NCAM2: variants seen among roughly 807,000 people sequenced by gnomAD.
NCAM2 encodes the protein neural cell adhesion molecule 2, also known as N-CAM-2.
A neutral mutation model predicts 98.1 loss-of-function variants in NCAM2; 30 were observed. The observed-to-expected ratio is 0.31, with a 90% CI of 0.23 to 0.41. The LOEUF (loss-of-function observed/expected upper bound fraction) is 0.41. Among genes scored for constraint, NCAM2 ranks in the 10% least tolerant of loss-of-function variants. NCAM2 has a pLI of 1.00. For missense variants in NCAM2, 867 were observed against 1,005.8 expected (o/e 0.86, Z 1.87); for synonymous variants, 368 against 342.4 (o/e 1.07, Z -0.83).
At chr21:21,200,102 CA>C (rs2069155511) in intron 1 of NCAM2, among the ~76,000 whole-genome samples, 1 of 151,666 alleles carries the variant, frequency 6.6e-6, no homozygotes, top group South Asian at 2.1e-4. Context: ...GGAGGCAGCC[CA>C]AAAGAGAAAG....
chr21:21,472,650 A>G (rs1984591014), intron 14 of NCAM2, among the ~76,000 whole-genome samples: 1 of 151,692 alleles, frequency 6.6e-6, no homozygotes, highest in Non-Finnish European at 1.5e-5. Flanking sequence ...ACAATTATAA[A>G]TAGTATTATA....
chr21:21,428,027 T>C (rs2077252513), intron 11 of NCAM2, among the ~76,000 whole-genome samples: 1 of 152,242 alleles, frequency 6.6e-6, no homozygotes, highest in African/African-American at 2.4e-5. Flanking sequence ...TTAAGTGCTG[T>C]AGTTGACAAA....
At chr21:21,441,233 C>G (rs1979219621) in intron 12 of NCAM2, among the ~76,000 whole-genome samples, 1 of 152,068 alleles carries the variant, frequency 6.6e-6, no homozygotes, top group Non-Finnish European at 1.5e-5. Context: ...TATTATTTTA[C>G]GAAGCATGGA....
At chr21:21,435,916 A>T (rs1402057147) in intron 12 of NCAM2, among the ~76,000 whole-genome samples, 4 of 152,168 alleles carry the variant, frequency 2.6e-5, no homozygotes, top group African/African-American at 7.2e-5. Flanking sequence ...GCAGGCATGA[A>T]TGTAAATATG....
At chr21:21,073,759 A>G (rs1227994403) in intron 1 of NCAM2, among the ~76,000 whole-genome samples, 1 of 152,188 alleles carries the variant, frequency 6.6e-6, no homozygotes, top group Non-Finnish European at 1.5e-5. Flanking sequence ...GAAACAGTCA[A>G]TCAACAATTC....
At chr21:21,390,752 T>C (rs1303904202) in intron 9 of NCAM2, among the ~76,000 whole-genome samples, 1 of 152,184 alleles carries the variant, frequency 6.6e-6, no homozygotes, top group East Asian at 1.9e-4. Flanking sequence ...TGCATGCAAT[T>C]CTAGAAAGCA....
chr21:21,049,490 A>G (rs2065064415), intron 1 of NCAM2, among the ~76,000 whole-genome samples: 1 of 152,068 alleles, frequency 6.6e-6, no homozygotes, highest in African/African-American at 2.4e-5. Flanking sequence ...GAGCATGAAA[A>G]ATTAGAGTCA....
At chr21:21,156,327 C>A (rs1240636214) in intron 1 of NCAM2, among the ~76,000 whole-genome samples, 1 of 151,978 alleles carries the variant, frequency 6.6e-6, no homozygotes, top group Non-Finnish European at 1.5e-5. Context: ...CACATTCAAA[C>A]ACTGTTGATG....
intron 13 of NCAM2, 39 bp downstream of exon 13, chr21:21,466,764 T>A: frequency 6.4e-7 from 1 of 1,557,814 alleles, no homozygotes; most frequent in Non-Finnish European, 8.7e-7. Context: ...CTTTTGTCAT[T>A]TTCTTCACTT....
intron 1 of NCAM2, among the ~76,000 whole-genome samples, chr21:21,082,225 T>TTTAAAAAAA (rs1555882202): frequency 1.2e-5 from 1 of 82,918 alleles, no homozygotes; most frequent in African/African-American, 4.4e-5. Context: ...GAGAATCCTT[T>TTTAAAAAAA]AAAAAAAAAA....
At chr21:21,427,310 T>C (rs569009326) in intron 11 of NCAM2, among the ~76,000 whole-genome samples, 2 of 152,196 alleles carry the variant, frequency 1.3e-5, no homozygotes, top group South Asian at 4.1e-4. Context: ...GGAAAAGAGC[T>C]ATCTGATAAA....
chr21:21,388,874 AT>A (rs1228013633), intron 9 of NCAM2, among the ~76,000 whole-genome samples: 1 of 152,188 alleles, frequency 6.6e-6, no homozygotes, highest in East Asian at 1.9e-4. Flanking sequence ...AGAACAAAAA[AT>A]AAAGGATATA....
At position 21,056,537 on chromosome 21, in the gene NCAM2, GGAGAGAGAGGA is replaced by G. The variant is rs1220965174; in HGVS notation, c.55+57929_55+57939del. On this transcript the variant is annotated intron_variant, in intron 1 of 17. Transcript: ENST00000400546. Reference sequence around the variant, plus strand: ...GTGTGTGTGTGTGCATGAGAGAGGGGGAGAGAGAGGAGAGAGAGAGAGAGTGAGAGAGAGAG... The same window carrying G: ...GTGTGTGTGTGTGCATGAGAGAGGGGGAGAGAGAGAGAGTGAGAGAGAGAG... Among the ~76,000 whole-genome samples the G allele has an allele frequency of 2.1e-5, 3 of 142,094 alleles. No homozygotes were observed. In the South Asian group the frequency reaches 6.7e-4, roughly 32 times the overall value. 93.2% of individuals were successfully genotyped at this position (142,094 alleles called of 152,430 possible).
At chr21:21,061,490 G>T (rs1204435515) in intron 1 of NCAM2, among the ~76,000 whole-genome samples, 1 of 152,062 alleles carries the variant, frequency 6.6e-6, no homozygotes, top group Non-Finnish European at 1.5e-5. Flanking sequence ...TAAGTTGATA[G>T]AACTTACCAC....
intron 1 of NCAM2, among the ~76,000 whole-genome samples, chr21:21,025,125 G>T (rs191078018): frequency 1.3e-5 from 2 of 151,200 alleles, no homozygotes; most frequent in African/African-American, 4.9e-5. Context: ...TCGCACTGTA[G>T]CCCAGGCTGG....
intron 1 of NCAM2, among the ~76,000 whole-genome samples, chr21:21,039,139 T>C (rs2146253930): frequency 6.6e-6 from 1 of 152,278 alleles, no homozygotes; most frequent in Non-Finnish European, 1.5e-5. Context: ...TATAAACTTA[T>C]TTCTTCTAAC....
At chr21:21,089,273 A>G (rs1020270953) in intron 1 of NCAM2, among the ~76,000 whole-genome samples, 11 of 152,134 alleles carry the variant, frequency 7.2e-5, no homozygotes, top group African/African-American at 2.4e-4. Flanking sequence ...CTTTAAAATT[A>G]TTTTTATTAT....
intron 16 of NCAM2, among the ~76,000 whole-genome samples, chr21:21,523,264 C>T (rs753392693): frequency 3.3e-5 from 5 of 152,002 alleles, no homozygotes; most frequent in Non-Finnish European, 5.9e-5. Flanking sequence ...AATCTTTGCC[C>T]AGACCAATGT....
Position 20,998,502 on chromosome 21 carries a change from G to T in NCAM2, c.-62G>T. The T allele has an allele frequency of 1.3e-6, 2 of 1,556,796 alleles. No homozygotes were observed. Among genetic ancestry groups the T allele is most frequent in the Non-Finnish European group, 8.8e-7 (1 of 1,137,212 alleles). On this transcript the variant is annotated 5_prime_UTR_variant, in exon 1 of 18. Coordinates refer to ENST00000400546, the MANE Select transcript of NCAM2 (RefSeq NM_004540.5). ...GCAGAGGCGGCCGGGGCAGCGAAAGGTTCTCTCTCCAGGGCTGGACTTAAT... is the reference window on the plus strand; with the variant it reads ...GCAGAGGCGGCCGGGGCAGCGAAAGTTTCTCTCTCCAGGGCTGGACTTAAT...
Sources: allele counts gnomAD v4.1 joint callset (sites outside exome capture counted in the v4.1 genomes callset), GRCh38; gene constraint gnomAD v4.1.1; transcripts MANE v1.5; gene names NCBI Gene and HGNC (gene_info 2026-07-23, HGNC 2026-07-21).